Variants in THSD4 observed in about 807,000 individuals in gnomAD.
THSD4 encodes thrombospondin type 1 domain containing 4, also known as thrombospondin type-1 domain-containing protein 4.
A neutral mutation model predicts 119.0 loss-of-function variants in THSD4; 69 were observed. The observed-to-expected ratio is 0.58, with a 90% CI of 0.48 to 0.71. The LOEUF is 0.71. THSD4 is among the 30% of genes least tolerant of loss of function. The pLI is 0.00. For synonymous variants in THSD4, 524 were observed against 540.4 expected, an observed-to-expected ratio of 0.97 and a Z score of 0.42; for missense variants, 1,393 against 1,391.1, an observed-to-expected ratio of 1.00 and a Z score of -0.02.
At chr15:71,508,787 T>C (rs2048234116) in intron 7 of THSD4, among the ~76,000 whole-genome samples, 1 of 152,216 alleles carries the variant, frequency 6.6e-6, no homozygotes, top group African/African-American at 2.4e-5. Context: ...CTTAACATTA[T>C]ATGAAGCACT....
chr15:71,312,318 ACT>A (rs974754402), intron 6 of THSD4, among the ~76,000 whole-genome samples: 34 of 151,396 alleles, frequency 2.2e-4, no homozygotes, highest in African/African-American at 8.2e-4. Flanking sequence ...ACAGAGCAAG[ACT>A]CTGTCTCGAG....
chr15:71,683,939 A>T (rs929452113), intron 8 of THSD4, among the ~76,000 whole-genome samples: 30 of 152,156 alleles, frequency 2.0e-4, no homozygotes, highest in African/African-American at 7.2e-4. Context: ...ACACCACTGC[A>T]CTCTAGCCTG....
At chr15:71,366,078 T>G (rs1042599059) in intron 6 of THSD4, among the ~76,000 whole-genome samples, 12 of 152,074 alleles carry the variant, frequency 7.9e-5, no homozygotes, top group Non-Finnish European at 1.3e-4. Context: ...TTTTGTTTTG[T>G]TTTTGGTTTT....
chr15:71,578,508 T>G (rs1385262319), intron 7 of THSD4, among the ~76,000 whole-genome samples: 2 of 152,176 alleles, frequency 1.3e-5, no homozygotes. Flanking sequence ...CTTTGTGACT[T>G]TCTTTTTTGG....
At chr15:71,453,260 T>G (rs990902367) in intron 7 of THSD4, among the ~76,000 whole-genome samples, 1 of 152,154 alleles carries the variant, frequency 6.6e-6, no homozygotes, top group Admixed American at 6.5e-5. Context: ...ATGCCGTAGC[T>G]CTCCTCTTCT....
At chr15:71,565,471 G>A (rs988371757) in intron 7 of THSD4, among the ~76,000 whole-genome samples, 6 of 152,156 alleles carry the variant, frequency 3.9e-5, no homozygotes, top group African/African-American at 1.4e-4. Context: ...AAAACAGTCT[G>A]CCCCATGTAA....
At chr15:71,203,534 C>T (rs2043820027) in intron 3 of THSD4, among the ~76,000 whole-genome samples, 1 of 152,242 alleles carries the variant, frequency 6.6e-6, no homozygotes, top group African/African-American at 2.4e-5. Flanking sequence ...TGGTGTGTGC[C>T]TGTAATCCCA....
At chr15:71,138,012 C>G (rs556359657) in intron 1 of THSD4, among the ~76,000 whole-genome samples, 2 of 152,312 alleles carry the variant, frequency 1.3e-5, no homozygotes, top group East Asian at 3.9e-4. Flanking sequence ...CAACTGCTCT[C>G]CCCCAAACCT....
intron 1 of THSD4, among the ~76,000 whole-genome samples, chr15:71,130,300 C>T (rs1355550227): frequency 6.6e-6 from 1 of 152,162 alleles, no homozygotes; most frequent in Non-Finnish European, 1.5e-5. Flanking sequence ...ATCCTCCCAC[C>T]TCAGCCTCCT....
At chr15:71,324,825 C>T (rs1488814502) in intron 6 of THSD4, among the ~76,000 whole-genome samples, 3 of 152,088 alleles carry the variant, frequency 2.0e-5, no homozygotes, top group Non-Finnish European at 1.5e-5. Flanking sequence ...GGTAGATACC[C>T]CTTGGTAGGA....
chr15:71,258,330 C>T (rs185770567), intron 6 of THSD4, among the ~76,000 whole-genome samples: 1 of 152,208 alleles, frequency 6.6e-6, no homozygotes, highest in East Asian at 1.9e-4. Context: ...AGGTGTGCAA[C>T]ACTACGCCTG....
At chr15:71,448,998 G>GT (rs2140576454) in intron 7 of THSD4, among the ~76,000 whole-genome samples, 1 of 152,280 alleles carries the variant, frequency 6.6e-6, no homozygotes, top group Non-Finnish European at 1.5e-5. Flanking sequence ...CTTGCCTTCT[G>GT]TTCATTCTCC....
intron 8 of THSD4, among the ~76,000 whole-genome samples, chr15:71,677,874 G>A (rs2051685529): frequency 6.6e-6 from 1 of 152,180 alleles, no homozygotes; most frequent in African/African-American, 2.4e-5. Flanking sequence ...TACACTTAAT[G>A]TGATACTTTC....
chr15:71,287,667 G>A (rs980219941), intron 6 of THSD4, among the ~76,000 whole-genome samples: 4 of 152,170 alleles, frequency 2.6e-5, no homozygotes, highest in South Asian at 2.1e-4. Flanking sequence ...GCTGAAAATC[G>A]TCTTGCACAG....
At chr15:71,207,236 G>A (rs1201980848) in intron 3 of THSD4, among the ~76,000 whole-genome samples, 1 of 152,126 alleles carries the variant, frequency 6.6e-6, no homozygotes, top group East Asian at 1.9e-4. Context: ...TCTTCTCAAA[G>A]CTCGCCTGCT....
Position 71,242,988 on chromosome 15 carries a change from C to G in THSD4, c.804C>G (p.Asn268Lys), listed in dbSNP as rs760708930. 6.2e-7 allele frequency: 1 copy of G among 1,614,238 alleles called. No individual in the cohort carries two copies. Among genetic ancestry groups the G allele is most frequent in the South Asian group, 1.1e-5 (1 of 91,088 alleles). Residue 268 changes from asparagine (N) to lysine (K), a missense_variant, in exon 5 of 18, where the codon AAC (asparagine) becomes AAG (lysine). Coordinates refer to ENST00000261862, the MANE Select transcript of THSD4 (RefSeq NM_024817.3). ...TTCACAGCCCAGAAACAAGCAACAA[C>G]CACGGTGTGGGGACCCATGGGGCAA... is the stretch of plus-strand genomic sequence containing the variant. ...SLFHSPETSN[N>K]HGVGTHGATQ...
intron 6 of THSD4, among the ~76,000 whole-genome samples, chr15:71,292,675 AT>A (rs36103838): frequency 0.22 from 28,718 of 130,324 alleles, 1,838 homozygotes; most frequent in Middle Eastern, 0.29. Flanking sequence ...ATATAACAGG[AT>A]TTTTTTTTTT....
chr15:71,635,588 A>G (rs1013064019), intron 7 of THSD4, among the ~76,000 whole-genome samples: 2 of 152,258 alleles, frequency 1.3e-5, no homozygotes, highest in Non-Finnish European at 2.9e-5. Flanking sequence ...GAAACACGTC[A>G]TGGATTGATT....
chr15:71,771,092 G>A lies in THSD4; in HGVS notation c.2798G>A (p.Arg933Gln), dbSNP rs774244202. 6.8e-6 allele frequency: 11 copies of A among 1,613,974 alleles called. No homozygotes were observed. Among genetic ancestry groups the A allele is most frequent in the Admixed American group, 1.7e-5 (1 of 59,984 alleles). ...MCSKSCQGGF[R>Q]VREVRCLSDD... ...TCCAAGAGCTGCCAGGGTGGCTTTC[G>A]GGTCCGGGAAGTGCGGTGTCTGTCT... Residue 933 changes from arginine to glutamine, a missense_variant, in exon 17 of 18, where the codon CGG becomes CAG. Physicochemically the swap from Arg to Gln is conservative, Grantham distance 43. Transcript: ENST00000261862.
Sources: allele counts gnomAD v4.1 joint callset (sites outside exome capture counted in the v4.1 genomes callset), GRCh38; gene constraint gnomAD v4.1.1; transcripts MANE v1.5; gene names NCBI Gene and HGNC (gene_info 2026-07-23, HGNC 2026-07-21).